The following FRMD4A variants were observed in gnomAD, a reference collection of about 807,000 sequenced individuals.
FRMD4A encodes FERM domain-containing protein 4A.
FRMD4A carries 29 observed loss-of-function variants against 129.1 expected under a neutral mutation model. The observed-to-expected ratio is 0.22, with a 90% CI of 0.17 to 0.31. The LOEUF (loss-of-function observed/expected upper bound fraction) is 0.31. FRMD4A is among the 10% of genes least tolerant of loss of function. The pLI is 1.00. For missense variants in FRMD4A, 1,272 were observed against 1,375.8 expected (o/e 0.92, Z 1.19); for synonymous variants, 634 against 571.6 (o/e 1.11, Z -1.56).
chr10:14,177,927 T>C (rs1841788596), intron 2 of FRMD4A, among the ~76,000 whole-genome samples: 1 of 152,208 alleles, frequency 6.6e-6, no homozygotes, highest in Non-Finnish European at 1.5e-5. Context: ...TTGGAACCTA[T>C]CAATTAGCTC....
rs556055979 is a variant in FRMD4A at position 14,143,700 on chromosome 10, C to T, written c.45+186358G>A. On this transcript the variant is annotated intron_variant, in intron 2 of 24. Transcript: ENST00000357447. The stretch of plus-strand genomic sequence containing the variant: ...TGCGATCTGAGCTCATTGCAACCTC[C>T]ACCTCGCTGGTTCAGGCAATTCTCC... Among the ~76,000 whole-genome samples the T allele has an allele frequency of 4.9e-4, 74 of 152,210 alleles. 1 individual carries two copies. The highest frequency in any genetic ancestry group is 3.4e-3 in the Middle Eastern group (1 of 294).
chr10:13,669,508 T>G (rs1222572397), intron 17 of FRMD4A, among the ~76,000 whole-genome samples: 2 of 152,236 alleles, frequency 1.3e-5, no homozygotes, highest in African/African-American at 4.8e-5. Context: ...ACCCTCACCC[T>G]AATCCTACCT....
At chr10:13,776,420 C>A (rs1433484472) in intron 6 of FRMD4A, among the ~76,000 whole-genome samples, 3 of 152,136 alleles carry the variant, frequency 2.0e-5, no homozygotes, top group Non-Finnish European at 4.4e-5. Context: ...CGTCTTCATC[C>A]ATTTTTAACA....
At chr10:13,746,434 C>A (rs1471120261) in intron 9 of FRMD4A, among the ~76,000 whole-genome samples, 2 of 151,958 alleles carry the variant, frequency 1.3e-5, no homozygotes, top group Non-Finnish European at 2.9e-5. Flanking sequence ...AGGATGGTCT[C>A]GATCTCCTGA....
chr10:13,775,800 G>A (rs532118804), intron 6 of FRMD4A, among the ~76,000 whole-genome samples: 1 of 152,260 alleles, frequency 6.6e-6, no homozygotes, highest in East Asian at 1.9e-4. Context: ...AAACCAAAGA[G>A]GAACGAGAAC....
chr10:14,038,502 A>G (rs545924659), intron 2 of FRMD4A, among the ~76,000 whole-genome samples: 62 of 152,250 alleles, frequency 4.1e-4, no homozygotes, highest in African/African-American at 1.5e-3. Flanking sequence ...TCTTAGTCCA[A>G]TTTCTCCTTA....
chr10:13,654,762 T>C, intron 22 of FRMD4A: 1 of 529,918 alleles, frequency 1.9e-6, no homozygotes, highest in Non-Finnish European at 3.3e-6. Flanking sequence ...GCACCTTCAT[T>C]CTGAGTCAAG....
At chr10:14,039,428 A>G (rs1833676930) in intron 2 of FRMD4A, among the ~76,000 whole-genome samples, 1 of 151,370 alleles carries the variant, frequency 6.6e-6, no homozygotes, top group South Asian at 2.1e-4. Flanking sequence ...CTATCTATCT[A>G]TCTATATTGG....
At position 13,731,009 on chromosome 10, in the gene FRMD4A, C is replaced by CAGAGCG. The variant is rs1191639453; in HGVS notation, c.759+6829_759+6834dup. On this transcript the variant is annotated intron_variant, in intron 12 of 24. Coordinates refer to ENST00000357447, the MANE Select transcript of FRMD4A (RefSeq NM_018027.5). ...TGCCACTGCACTCCAGCCTGGGAGA[C>CAGAGCG]AGAGCGAGACTCCCTCTCAAAAAAA... 2.0e-5 allele frequency among the ~76,000 whole-genome samples: 3 copies of CAGAGCG among 149,520 alleles called. No individual in the cohort carries two copies. In the South Asian group the frequency reaches 6.5e-4, roughly 32 times the overall value.
At chr10:13,911,850 C>G (rs1452092156) in intron 2 of FRMD4A, among the ~76,000 whole-genome samples, 1 of 152,184 alleles carries the variant, frequency 6.6e-6, no homozygotes, top group Non-Finnish European at 1.5e-5. Context: ...GTATGAGCCA[C>G]TGTGCCTGGC....
At chr10:13,707,868 C>CTCCTTCGGACCAGTG in intron 12 of FRMD4A, 1 of 985,396 alleles carries the variant, frequency 1.0e-6, no homozygotes, top group Non-Finnish European at 1.2e-6. Context: ...GCGGTCATTC[C>CTCCTTCGGACCAGTG]TCCTTCGGAC....
At chr10:13,885,400 G>C (rs1313177074) in intron 2 of FRMD4A, among the ~76,000 whole-genome samples, 1 of 152,130 alleles carries the variant, frequency 6.6e-6, no homozygotes, top group South Asian at 2.1e-4. Context: ...GGGCAAGATG[G>C]CGCCATCCTC....
intron 5 of FRMD4A, among the ~76,000 whole-genome samples, chr10:13,787,291 T>G (rs995632900): frequency 6.6e-6 from 1 of 152,018 alleles, no homozygotes; most frequent in Non-Finnish European, 1.5e-5. Context: ...TCCTGAGCTT[T>G]CCCTCCCTGC....
chr10:14,249,888 A>G (rs964095288), intron 2 of FRMD4A, among the ~76,000 whole-genome samples: 4 of 152,250 alleles, frequency 2.6e-5, no homozygotes, highest in Non-Finnish European at 5.9e-5. Context: ...AAAAAATAGG[A>G]AAGAAACACA....
intron 2 of FRMD4A, among the ~76,000 whole-genome samples, chr10:13,867,677 TAATA>T (rs1201483232): frequency 0.013 from 1,239 of 96,946 alleles, 19 homozygotes; most frequent in African/African-American, 0.044. Flanking sequence ...ATATAATATA[TAATA>T]AATATATATA....
At chr10:14,173,860 C>G (rs1841598671) in intron 2 of FRMD4A, among the ~76,000 whole-genome samples, 1 of 152,008 alleles carries the variant, frequency 6.6e-6, no homozygotes, top group East Asian at 1.9e-4. Flanking sequence ...ATCGCGCTGC[C>G]GTGCAGGCAA....
intron 2 of FRMD4A, among the ~76,000 whole-genome samples, chr10:13,915,505 T>C (rs2094991329): frequency 6.6e-6 from 1 of 151,542 alleles, no homozygotes; most frequent in South Asian, 2.1e-4. Flanking sequence ...ACCCCGTCTC[T>C]ACTAAAAATA....
chr10:13,737,701 G>GAGTTCCC, intron 12 of FRMD4A, 143 bp downstream of exon 12: 1 of 590,346 alleles, frequency 1.7e-6, no homozygotes, highest in Non-Finnish European at 3.0e-6. Flanking sequence ...TGGGATTGCT[G>GAGTTCCC]TGGAGTAATT....
intron 2 of FRMD4A, among the ~76,000 whole-genome samples, chr10:14,034,071 C>T (rs968642115): frequency 7.2e-5 from 11 of 152,162 alleles, no homozygotes; most frequent in African/African-American, 2.7e-4. Flanking sequence ...GTTGTTGAGA[C>T]ACTACATTCC....
Sources: allele counts gnomAD v4.1 joint callset (sites outside exome capture counted in the v4.1 genomes callset), GRCh38; gene constraint gnomAD v4.1.1; transcripts MANE v1.5; gene names NCBI Gene and HGNC (gene_info 2026-07-23, HGNC 2026-07-21).